Variants in USH2A observed in about 807,000 individuals in gnomAD.
USH2A encodes the protein usherin.
A neutral mutation model predicts 538.9 loss-of-function variants in USH2A; 443 were observed. That is an observed-to-expected ratio of 0.82 (90% CI 0.76 to 0.89). The LOEUF (loss-of-function observed/expected upper bound fraction) is 0.89, where lower values mean the gene tolerates loss of function less well. Among genes scored for constraint, USH2A ranks in the 40% least tolerant of loss-of-function variants. USH2A has a pLI of 0.00. For synonymous variants in USH2A, 2,413 were observed against 2,273.5 expected, an observed-to-expected ratio of 1.06 and a Z score of -1.75; for missense variants, 6,633 against 6,324.8, an observed-to-expected ratio of 1.05 and a Z score of -1.65.
intron 37 of USH2A, among the ~76,000 whole-genome samples, chr1:215,940,145 T>G (rs763190016): frequency 1.1e-4 from 17 of 152,158 alleles, no homozygotes; most frequent in Non-Finnish European, 1.9e-4. Context: ...CTGCTTTAAG[T>G]TAGTCTTTTT....
intron 21 of USH2A, among the ~76,000 whole-genome samples, chr1:216,145,367 AG>A (rs1003218949): frequency 1.4e-4 from 21 of 152,338 alleles, no homozygotes; most frequent in African/African-American, 4.8e-4. Context: ...CAATGCGGTA[AG>A]AAGGGGTAGT....
At chr1:215,687,860 G>T (rs193234782) in intron 61 of USH2A, among the ~76,000 whole-genome samples, 7 of 152,130 alleles carry the variant, frequency 4.6e-5, no homozygotes, top group African/African-American at 1.7e-4. Context: ...TATACACTAG[G>T]CATGCTCCTA....
chr1:216,400,571 A>T (rs1199354559), intron 3 of USH2A, among the ~76,000 whole-genome samples: 2 of 152,168 alleles, frequency 1.3e-5, no homozygotes. Flanking sequence ...ATTAACAAAC[A>T]CATGCAAGAA....
intron 63 of USH2A, 58 bp from the exon 64 acceptor site, chr1:215,671,351 A>C (rs1657810502): frequency 6.4e-7 from 1 of 1,564,422 alleles, no homozygotes; most frequent in Non-Finnish European, 8.8e-7. Context: ...TCATGGGAAG[A>C]ATCTTTAAAA....
rs200993435 is a variant in USH2A, at chr1:215,647,651, T to A, written c.14662A>T (p.Thr4888Ser). Residue 4888 changes from threonine to serine, a missense_variant, in exon 67 of 72, where the codon ACG becomes TCG. Thr to Ser is a moderately conservative substitution (Grantham distance 58, BLOSUM62 1). Coordinates refer to ENST00000307340, the MANE Select transcript of USH2A (RefSeq NM_206933.4). ...CTPSQIETKY[T>S]GLGQKASLGG... ...AGGCTGGCTTTCTGCCCCAGCCCCG[T>A]GTACTTTGTTTCTATTTGGCTGGGA... 7.7e-4 allele frequency: 1,235 copies of A among 1,614,182 alleles called. 23 individuals carry two copies. The South Asian group carries it at 0.013, about 17-fold the overall frequency.
chr1:216,011,447 A>T (rs569266087), intron 32 of USH2A, among the ~76,000 whole-genome samples: 8 of 152,144 alleles, frequency 5.3e-5, no homozygotes, highest in African/African-American at 1.7e-4. Flanking sequence ...TCTCATAAAA[A>T]CACATGTGCT....
At position 216,408,966 on chromosome 1, in the gene USH2A, T is replaced by C. The variant is rs149522220; in HGVS notation, c.651+9548A>G. Among the ~76,000 whole-genome samples, 142 of 152,294 alleles carry C rather than the reference T, an allele frequency of 9.3e-4. 1 individual carries two copies. The highest frequency in any genetic ancestry group is 1.8e-3 in the Non-Finnish European group (124 of 68,028). ...AATTTAAAACTTATGAATTGTTTAC[T>C]TCTGAAATTTTCCATTTGATATTTT... On this transcript the variant is annotated intron_variant, in intron 3 of 71. Coordinates refer to ENST00000307340, the MANE Select transcript of USH2A (RefSeq NM_206933.4).
rs770025542 is a variant in USH2A, at chr1:216,200,065, T to C, written c.3373A>G (p.Ile1125Val). Reference protein sequence around the residue: ...LLPYTKYSYYIETTNVHGSTR... With the variant: ...LLPYTKYSYYVETTNVHGSTR... ...GAACCATGCACATTGGTGGTCTCAA[T>C]GTAATAGGAATATTTGGTATATGGT... Residue 1125 changes from isoleucine (I) to valine (V), a missense_variant, in exon 17 of 72, where the codon ATT becomes GTT. Physicochemically the swap from Ile to Val is conservative, Grantham distance 29. Coordinates refer to ENST00000307340, the MANE Select transcript of USH2A (RefSeq NM_206933.4). 5.6e-6 allele frequency: 9 copies of C among 1,613,496 alleles called. No homozygotes were observed. The highest frequency in any genetic ancestry group is 6.8e-6 in the Non-Finnish European group (8 of 1,179,924).
At chr1:216,289,180 C>T (rs1198097726) in intron 11 of USH2A, 100 bp downstream of exon 11, 2 of 1,557,654 alleles carry the variant, frequency 1.3e-6, no homozygotes, top group Non-Finnish European at 1.8e-6. Flanking sequence ...TAGAGGATTT[C>T]CTGGCAAATG....
chr1:216,229,672 T>A (rs2035637963), intron 14 of USH2A, among the ~76,000 whole-genome samples: 1 of 152,168 alleles, frequency 6.6e-6, no homozygotes, highest in Non-Finnish European at 1.5e-5. Flanking sequence ...TATACCCACT[T>A]CTTTGGTCCT....
At chr1:215,675,839 TCA>T (rs1412104937) in intron 62 of USH2A, among the ~76,000 whole-genome samples, 1 of 152,204 alleles carries the variant, frequency 6.6e-6, no homozygotes, top group Non-Finnish European at 1.5e-5. Context: ...TTCTTTTTTT[TCA>T]GTTTGGGAAC....
chr1:216,065,091 T>C (rs1454488766), intron 30 of USH2A, among the ~76,000 whole-genome samples: 2 of 152,202 alleles, frequency 1.3e-5, no homozygotes, highest in African/African-American at 4.8e-5. Context: ...TAAATAACAA[T>C]TGCTCAACAG....
At chr1:216,181,524 G>A (rs750244085) in intron 20 of USH2A, among the ~76,000 whole-genome samples, 1 of 152,062 alleles carries the variant, frequency 6.6e-6, no homozygotes, top group Non-Finnish European at 1.5e-5. Context: ...CAGTGAACAT[G>A]GTGAACAAAC....
At chr1:215,650,489 G>T in intron 65 of USH2A, 103 bp downstream of exon 65, 1 of 1,373,290 alleles carries the variant, frequency 7.3e-7, no homozygotes, top group Non-Finnish European at 1.0e-6. Flanking sequence ...GAGAACAGAA[G>T]GATAAGAAAG....
At chr1:216,225,389 T>C (rs1463664929) in intron 14 of USH2A, among the ~76,000 whole-genome samples, 2 of 152,180 alleles carry the variant, frequency 1.3e-5, no homozygotes, top group African/African-American at 4.8e-5. Flanking sequence ...TGCTACAGGA[T>C]TTCCTGTGTA....
intron 14 of USH2A, among the ~76,000 whole-genome samples, chr1:216,218,919 G>C (rs1335601960): frequency 2.0e-5 from 3 of 151,966 alleles, no homozygotes; most frequent in Non-Finnish European, 4.4e-5. Flanking sequence ...ATTATGTAGA[G>C]TCTATTGTTT....
At chr1:216,217,177 C>G (rs976229802) in intron 15 of USH2A, among the ~76,000 whole-genome samples, 1 of 152,088 alleles carries the variant, frequency 6.6e-6, no homozygotes, top group Non-Finnish European at 1.5e-5. Context: ...AATTTCCCAC[C>G]ATGAACATAA....
Position 215,783,957 on chromosome 1 carries a change from A to G in USH2A, c.10388-1022T>C, listed in dbSNP as rs148593053. Among the ~76,000 whole-genome samples the G allele has an allele frequency of 3.1e-3, 467 of 152,328 alleles. 5 individuals are homozygous for G. The highest frequency in any genetic ancestry group is 0.01 in the African/African-American group (429 of 41,564). On this transcript the variant is annotated intron_variant, in intron 52 of 71. Coordinates refer to ENST00000307340, the MANE Select transcript of USH2A (RefSeq NM_206933.4). Reference sequence around the variant, plus strand: ...CAATAAACCCTTCCCTGCCCACTGTATAGAACTAATATGAAAATACAATGC... The same window carrying G: ...CAATAAACCCTTCCCTGCCCACTGTGTAGAACTAATATGAAAATACAATGC...
In USH2A at chr1:215,888,944, A is replaced by C. The variant is rs766015888; in HGVS notation, c.7705T>G (p.Tyr2569Asp). Reference protein sequence around the residue: ...SNGVITHYNIYLHGRLYLRTP... With the variant: ...SNGVITHYNIDLHGRLYLRTP... ...CTCAAGTATAGACGGCCATGTAGAT[A>C]AATGTTATAATGGGTAATAACCCCA... The change falls in exon 41 of 72, where the codon TAT becomes GAT. Residue 2569 changes from tyrosine (Y) to aspartate (D), a missense_variant. Transcript: ENST00000307340. 6.2e-7 allele frequency: 1 copy of C among 1,614,174 alleles called. No homozygotes were observed. Among genetic ancestry groups the C allele is most frequent in the Non-Finnish European group, 8.5e-7 (1 of 1,180,020 alleles).
Sources: gnomAD v4.1 joint callset for allele counts (sites outside exome capture counted in the v4.1 genomes callset) on GRCh38, gnomAD v4.1.1 for gene constraint, MANE v1.5 for transcripts, NCBI Gene and HGNC (gene_info 2026-07-23, HGNC 2026-07-21) for gene names.